The following PTPN11 variants were observed in gnomAD, a reference collection of about 807,000 sequenced individuals.
PTPN11 encodes protein tyrosine phosphatase non-receptor type 11.
A neutral mutation model predicts 78.8 loss-of-function variants in PTPN11; 6 were observed. That is an observed-to-expected ratio of 0.08 (90% CI 0.04 to 0.15). PTPN11 has a LOEUF of 0.15. Among genes scored for constraint, PTPN11 ranks in the 10% least tolerant of loss-of-function variants. PTPN11 has a pLI of 1.00. For synonymous variants in PTPN11, 221 were observed against 263.5 expected (o/e 0.84, Z 1.56); for missense variants, 386 against 744.8 (o/e 0.52, Z 5.61).
intron 9 of PTPN11, among the ~76,000 whole-genome samples, chr12:112,479,654 G>A (rs913440198): frequency 1.3e-5 from 2 of 152,172 alleles, no homozygotes. Context: ...CCTAAATGTG[G>A]ATAGGAAGAA....
intron 13 of PTPN11, among the ~76,000 whole-genome samples, chr12:112,493,261 G>A (rs771731975): frequency 2.0e-5 from 3 of 151,936 alleles, no homozygotes; most frequent in Non-Finnish European, 2.9e-5. Flanking sequence ...GTTTCACTAC[G>A]TTGGCCAGGC....
rs2301756 is a variant in PTPN11 at position 112,452,972 on chromosome 12, A to G, written c.333-223A>G. On this transcript the variant is annotated intron_variant, in intron 3 of 15. Coordinates refer to ENST00000351677, the MANE Select transcript of PTPN11 (RefSeq NM_002834.5). The stretch of plus-strand genomic sequence containing the variant: ...GGCATTTGTCTCTAAAGGACTGTGG[A>G]CTCATTTAAGAAGTTTAGTGGTCAT... Among the ~76,000 whole-genome samples the G allele has an allele frequency of 0.21, 32,377 of 151,938 alleles. 5,587 individuals are homozygous for G. Among genetic ancestry groups the G allele is most frequent in the East Asian group, 0.86 (4,423 of 5,170 alleles).
intron 3 of PTPN11, 39 bp downstream of exon 3, chr12:112,450,551 C>A: frequency 6.3e-7 from 1 of 1,581,982 alleles, no homozygotes; most frequent in South Asian, 1.1e-5. Flanking sequence ...CTGCTGCTCC[C>A]TTGTGCCCTG....
chr12:112,476,614 C>T (rs1322936324), intron 7 of PTPN11, among the ~76,000 whole-genome samples: 4 of 152,010 alleles, frequency 2.6e-5, no homozygotes, highest in Non-Finnish European at 5.9e-5. Context: ...ACTAAAAATA[C>T]AAAAATTAGC....
intron 9 of PTPN11, among the ~76,000 whole-genome samples, chr12:112,479,945 T>A (rs1162997634): frequency 6.6e-6 from 1 of 152,208 alleles, no homozygotes; most frequent in Non-Finnish European, 1.5e-5. Flanking sequence ...TCCACAGACC[T>A]TTCTGACATC....
intron 13 of PTPN11, among the ~76,000 whole-genome samples, chr12:112,497,671 T>C (rs2038829424): frequency 6.6e-6 from 1 of 152,180 alleles, no homozygotes. Context: ...GAATCCAGCA[T>C]GGTTGGAGTA....
intron 7 of PTPN11, among the ~76,000 whole-genome samples, chr12:112,476,867 A>G (rs1410522216): frequency 2.6e-5 from 4 of 152,128 alleles, no homozygotes; most frequent in Admixed American, 2.6e-4. Context: ...ACCCACATGT[A>G]CCCATCACCC....
rs1296445718 is a variant in PTPN11, at chr12:112,506,326, A to G, written c.*534A>G. 7 of 152,190 alleles carry G rather than the reference A, an allele frequency of 4.6e-5. No individual in the cohort carries two copies. The highest frequency in any genetic ancestry group is 1.0e-4 in the Non-Finnish European group (7 of 68,036). The allele number at this position is 152,190 out of a possible 1,614,324, so 9.4% of individuals were successfully genotyped here. On this transcript the variant is annotated 3_prime_UTR_variant, in exon 16 of 16. Coordinates refer to ENST00000351677, the MANE Select transcript of PTPN11 (RefSeq NM_002834.5). ...TTTGATGGCTTCTATTTTTGGCCAAATGAGAATTAAGCCAGTGCCTGAGAC... is the reference window on the plus strand; with the variant it reads ...TTTGATGGCTTCTATTTTTGGCCAAGTGAGAATTAAGCCAGTGCCTGAGAC...
chr12:112,470,524 C>T (rs139626231), intron 6 of PTPN11, among the ~76,000 whole-genome samples: 5 of 152,224 alleles, frequency 3.3e-5, no homozygotes, highest in South Asian at 4.2e-4. Context: ...AGGCCTTGTG[C>T]GTCATCCTGA....
rs118135136 is a variant in PTPN11, at chr12:112,476,811, C to T, written c.854-840C>T. On this transcript the variant is annotated intron_variant, in intron 7 of 15. Transcript: ENST00000351677. ...CAACAACAACAACAACAACAAAAAC[C>T]CCTCTTTATTATGGAAATTTTCAAA... Among the ~76,000 whole-genome samples the T allele has an allele frequency of 7.1e-3, 1,075 of 151,994 alleles. 12 individuals are homozygous for T. The highest frequency in any genetic ancestry group is 0.034 in the Middle Eastern group (10 of 294).
Position 112,508,267 on chromosome 12 carries a change from G to A in PTPN11, c.*2475G>A, listed in dbSNP as rs1007718915. 3 of 152,638 alleles carry A rather than the reference G, an allele frequency of 2.0e-5. No individual in the cohort carries two copies. Among genetic ancestry groups the A allele is most frequent in the African/African-American group, 7.2e-5 (3 of 41,460 alleles). The allele number at this position is 152,638 out of a possible 1,614,324, so 9.5% of individuals were successfully genotyped here. ...ATGTTCTTATGTAAACTTAGGCCAA[G>A]GCCAGAGTTATCATAGTCCCTAGGT... On this transcript the variant is annotated 3_prime_UTR_variant, in exon 16 of 16. Transcript: ENST00000351677.
chr12:112,485,776 C>A (rs1445235911), intron 10 of PTPN11, among the ~76,000 whole-genome samples: 2 of 151,978 alleles, frequency 1.3e-5, no homozygotes, highest in African/African-American at 4.8e-5. Flanking sequence ...CAGGAGTTTG[C>A]AACCAGCCTG....
chr12:112,447,141 T>A (rs2038005421), intron 2 of PTPN11, among the ~76,000 whole-genome samples: 1 of 152,190 alleles, frequency 6.6e-6, no homozygotes, highest in Admixed American at 6.5e-5. Context: ...AGTGTTGGGA[T>A]TACAGGCATG....
In PTPN11 at chr12:112,450,497, A is replaced by G; in HGVS notation, c.317A>G (p.Asp106Gly). The change falls in exon 3 of 16, where the codon GAT (aspartate) becomes GGT (glycine). Residue 106 changes from aspartate (D) to glycine (G), a missense_variant. Coordinates refer to ENST00000351677, the MANE Select transcript of PTPN11 (RefSeq NM_002834.5). ...CTTAAATATCCTCTGAACTGTGCAGATCCTACCTCTGAAAGGTCAGTAACA... is the reference window on the plus strand; with the variant it reads ...CTTAAATATCCTCTGAACTGTGCAGGTCCTACCTCTGAAAGGTCAGTAACA... ...IELKYPLNCADPTSERWFHGH... is the reference protein window; with the variant it reads ...IELKYPLNCAGPTSERWFHGH... 2 of 1,614,070 alleles carry G rather than the reference A, an allele frequency of 1.2e-6. No homozygotes were observed. The highest frequency in any genetic ancestry group is 1.7e-6 in the Non-Finnish European group (2 of 1,179,928).
Position 112,455,456 on chromosome 12 carries a change from A to G in PTPN11, c.643-494A>G, listed in dbSNP as rs536442111. On this transcript the variant is annotated intron_variant, in intron 5 of 15. Transcript: ENST00000351677. The stretch of plus-strand genomic sequence containing the variant: ...CACCATGTTAGCCAGGCTGGTCTTG[A>G]ACTCCTGACCTCAAGTGATCTGCCT... 4.6e-5 allele frequency among the ~76,000 whole-genome samples: 7 copies of G among 151,972 alleles called. No individual in the cohort carries two copies. In the South Asian group the frequency reaches 1.5e-3, roughly 32 times the overall value.
intron 13 of PTPN11, among the ~76,000 whole-genome samples, chr12:112,493,480 G>A (rs1474933199): frequency 2.6e-5 from 4 of 151,144 alleles, no homozygotes; most frequent in African/African-American, 9.7e-5. Flanking sequence ...TGCCTCCTGG[G>A]TTCATTCAGG....
intron 9 of PTPN11, among the ~76,000 whole-genome samples, chr12:112,479,034 A>T (rs1229170106): frequency 6.6e-6 from 1 of 152,110 alleles, no homozygotes; most frequent in African/African-American, 2.4e-5. Flanking sequence ...ATGCCTGGCC[A>T]TGTTGTCTGT....
Position 112,427,107 on chromosome 12 carries a change from G to T in PTPN11, c.14+7982G>T, listed in dbSNP as rs916350472. On this transcript the variant is annotated intron_variant, in intron 1 of 15. Coordinates refer to ENST00000351677, the MANE Select transcript of PTPN11 (RefSeq NM_002834.5). The stretch of plus-strand genomic sequence containing the variant: ...CAGAAAATAGAAAAATTAGCCAGGT[G>T]TGGTGGTGCATGCCTGTAGTCACAG... 3.3e-5 allele frequency among the ~76,000 whole-genome samples: 5 copies of T among 152,248 alleles called. No individual in the cohort carries two copies. The South Asian group carries it at 1.0e-3, about 32-fold the overall frequency.
chr12:112,482,289 C>A lies in PTPN11; in HGVS notation c.1224+84C>A. On this transcript the variant is annotated intron_variant, in intron 10 of 15. Coordinates refer to ENST00000351677, the MANE Select transcript of PTPN11 (RefSeq NM_002834.5). The surrounding 1 kb of genome is among the most constrained non-coding windows in gnomAD (Gnocchi z 4.4). ...AGGGTCTTGCCGTTACTCATGTTTG[C>A]ATACATGCATGCATTCGCTCACTCA... The A allele has an allele frequency of 6.8e-7, 1 of 1,463,994 alleles. No individual in the cohort carries two copies. Among genetic ancestry groups the A allele is most frequent in the Non-Finnish European group, 9.5e-7 (1 of 1,048,468 alleles). The allele number at this position is 1,463,994 out of a possible 1,614,324, so 90.7% of individuals were successfully genotyped here.
Sources: gnomAD v4.1 joint callset for allele counts (sites outside exome capture counted in the v4.1 genomes callset) on GRCh38, gnomAD v4.1.1 for gene constraint, Gnocchi (gnomAD v3.1) non-coding constraint, MANE v1.5 for transcripts, NCBI Gene and HGNC (gene_info 2026-07-23, HGNC 2026-07-21) for gene names.